CRIM1: variants seen among roughly 807,000 people sequenced by gnomAD.
The protein encoded by CRIM1 is cysteine-rich motor neuron 1 protein.
In CRIM1, 32 loss-of-function variants were observed where a neutral mutation model predicts 116.4. The ratio of observed to expected loss-of-function variants is 0.27; its 90% CI spans 0.21 to 0.37. CRIM1 has a LOEUF of 0.37. Among genes scored for constraint, CRIM1 ranks in the 10% least tolerant of loss-of-function variants. The pLI, the probability that CRIM1 is intolerant of heterozygous loss-of-function variation, is 1.00. For missense variants in CRIM1, 1,331 were observed against 1,354.8 expected (o/e 0.98, Z 0.28); for synonymous variants, 590 against 509.2 (o/e 1.16, Z -2.13).
intron 7 of CRIM1, among the ~76,000 whole-genome samples, chr2:36,486,424 T>C (rs1385431703): frequency 6.6e-6 from 1 of 152,196 alleles, no homozygotes; most frequent in Non-Finnish European, 1.5e-5. Context: ...AGTAAGACTG[T>C]CATACTGAAC....
intron 4 of CRIM1, among the ~76,000 whole-genome samples, chr2:36,456,853 C>T (rs1243894065): frequency 1.3e-5 from 2 of 151,888 alleles, no homozygotes; most frequent in Non-Finnish European, 1.5e-5. Context: ...TAGCCACTCA[C>T]GTCAAGGTAG....
rs1050015275 is a variant in CRIM1, at chr2:36,522,333, A to C, written c.2428+20A>C. ...GCATAGGTAAGACCAAGGAAAAAAA[A>C]ATCCCTCATCTCTACCAGTTGTCAC... On this transcript the variant is annotated intron_variant, in intron 13 of 16. Coordinates refer to ENST00000280527, the MANE Select transcript of CRIM1 (RefSeq NM_016441.3). 25 of 1,565,452 alleles carry C rather than the reference A, an allele frequency of 1.6e-5. No homozygotes were observed. In the East Asian group the frequency reaches 2.0e-4, roughly 13 times the overall value.
chr2:36,396,835 T>G (rs1388230977), intron 2 of CRIM1, 48 bp downstream of exon 2: 1 of 1,478,876 alleles, frequency 6.8e-7, no homozygotes, highest in Admixed American at 1.7e-5. Flanking sequence ...CTTAGCATTA[T>G]GTAACCCTGA....
intron 10 of CRIM1, among the ~76,000 whole-genome samples, chr2:36,512,657 AGG>A (rs1371908976): frequency 6.6e-6 from 1 of 152,232 alleles, no homozygotes; most frequent in Non-Finnish European, 1.5e-5. Context: ...TACTTCTATC[AGG>A]AACTTTAGCC....
At position 36,513,701 on chromosome 2, in the gene CRIM1, C is replaced by A. The variant is rs373992228; in HGVS notation, c.1926C>A (p.Thr642=). 5.5e-5 allele frequency: 89 copies of A among 1,614,130 alleles called. No homozygotes were observed. Among genetic ancestry groups the A allele is most frequent in the Admixed American group, 3.7e-4 (22 of 60,014 alleles). ...LNGREMCALI[T]CPVPACGNPT... is the part of the protein sequence containing the mutation. ...GACGGGAAATGTGTGCCCTGATCACCTGCCCGGTGCCTGCCTGTGGCAACC... is the reference window on the plus strand; with the variant it reads ...GACGGGAAATGTGTGCCCTGATCACATGCCCGGTGCCTGCCTGTGGCAACC... The change falls in exon 11 of 17, where the codon ACC becomes ACA. Residue 642 remains threonine (T), a synonymous_variant. Coordinates refer to ENST00000280527, the MANE Select transcript of CRIM1 (RefSeq NM_016441.3).
At chr2:36,473,487 A>G (rs1010917335) in intron 5 of CRIM1, among the ~76,000 whole-genome samples, 1 of 152,206 alleles carries the variant, frequency 6.6e-6, no homozygotes, top group African/African-American at 2.4e-5. Flanking sequence ...AAGCCATCAG[A>G]AAACTCCTGA....
chr2:36,357,288 G>C (rs534427945), intron 1 of CRIM1, among the ~76,000 whole-genome samples: 1 of 152,120 alleles, frequency 6.6e-6, no homozygotes, highest in Non-Finnish European at 1.5e-5. Context: ...TGAAAGGAAA[G>C]GGGGGTGGGG....
intron 4 of CRIM1, among the ~76,000 whole-genome samples, chr2:36,456,212 CTTCCCTAAACTAAA>C (rs1055498494): frequency 6.6e-6 from 1 of 152,132 alleles, no homozygotes; most frequent in Non-Finnish European, 1.5e-5. Flanking sequence ...TATATAAAAG[CTTCCCTAAACTAAA>C]TTCCCTAAAC....
At chr2:36,390,259 A>G (rs1381302773) in intron 1 of CRIM1, among the ~76,000 whole-genome samples, 5 of 152,206 alleles carry the variant, frequency 3.3e-5, no homozygotes, top group Admixed American at 3.3e-4. Flanking sequence ...ATCATTCATT[A>G]CACTAAAAAT....
chr2:36,438,100 C>A (rs1046117412), intron 2 of CRIM1, among the ~76,000 whole-genome samples: 9 of 149,692 alleles, frequency 6.0e-5, no homozygotes, highest in African/African-American at 2.2e-4. Context: ...CCACTGTACT[C>A]CAGCCTGGCA....
At chr2:36,381,951 C>G (rs568664267) in intron 1 of CRIM1, among the ~76,000 whole-genome samples, 2 of 152,180 alleles carry the variant, frequency 1.3e-5, no homozygotes, top group Non-Finnish European at 2.9e-5. Context: ...TCACCTGTCC[C>G]TTTCTGTTTT....
chr2:36,460,769 G>A (rs1677519826), intron 4 of CRIM1, among the ~76,000 whole-genome samples: 1 of 152,148 alleles, frequency 6.6e-6, no homozygotes, highest in African/African-American at 2.4e-5. Flanking sequence ...GACATGATAG[G>A]TACTAGAAGA....
intron 2 of CRIM1, among the ~76,000 whole-genome samples, chr2:36,417,972 G>A (rs1673751846): frequency 6.6e-6 from 1 of 152,156 alleles, no homozygotes; most frequent in Non-Finnish European, 1.5e-5. Flanking sequence ...CCTAGACCAA[G>A]GAGGTGATGG....
chr2:36,431,089 AGT>A (rs141622353), intron 2 of CRIM1, among the ~76,000 whole-genome samples: 1,926 of 152,160 alleles, frequency 0.013, 45 homozygotes, highest in African/African-American at 0.044. Context: ...CATGCCTATG[AGT>A]GTGTGTCTGT....
At chr2:36,472,607 C>T (rs892894905) in intron 5 of CRIM1, among the ~76,000 whole-genome samples, 1 of 152,146 alleles carries the variant, frequency 6.6e-6, no homozygotes, top group Non-Finnish European at 1.5e-5. Context: ...TATTCATAAC[C>T]AGAACCTGCC....
At chr2:36,366,094 A>T (rs1244511811) in intron 1 of CRIM1, among the ~76,000 whole-genome samples, 2 of 152,204 alleles carry the variant, frequency 1.3e-5, no homozygotes, top group Non-Finnish European at 2.9e-5. Context: ...TTTATCCAGT[A>T]AATATTGGCT....
chr2:36,424,608 T>A (rs1280174200), intron 2 of CRIM1, among the ~76,000 whole-genome samples: 1 of 152,176 alleles, frequency 6.6e-6, no homozygotes, highest in African/African-American at 2.4e-5. Context: ...TCACTCTCCT[T>A]TTACTTTTAG....
intron 4 of CRIM1, among the ~76,000 whole-genome samples, 193 bp downstream of exon 4, chr2:36,442,928 G>A (rs766542452): frequency 6.6e-6 from 1 of 152,118 alleles, no homozygotes; most frequent in African/African-American, 2.4e-5. Flanking sequence ...GTGTCATCAG[G>A]TTAAGTCGTT....
At chr2:36,513,529 T>C in intron 10 of CRIM1, 27 bp from the exon 11 acceptor site, 1 of 1,605,428 alleles carries the variant, frequency 6.2e-7, no homozygotes, top group South Asian at 1.1e-5. Flanking sequence ...AGCCACTTCT[T>C]TACCAGGCTG....
Sources: allele counts gnomAD v4.1 joint callset (sites outside exome capture counted in the v4.1 genomes callset), GRCh38; gene constraint gnomAD v4.1.1; transcripts MANE v1.5; gene names NCBI Gene and HGNC (gene_info 2026-07-23, HGNC 2026-07-21).